The following CNTN1 variants were observed in gnomAD, a reference collection of about 807,000 sequenced individuals.
CNTN1 encodes the protein contactin 1.
CNTN1 carries 38 observed loss-of-function variants against 126.4 expected under a neutral mutation model. The observed-to-expected ratio is 0.30, with a 90% confidence interval of 0.23 to 0.39. The LOEUF (loss-of-function observed/expected upper bound fraction) is 0.39, where lower values mean the gene tolerates loss of function less well. CNTN1 is among the 10% of genes least tolerant of loss of function. The probability of loss-of-function intolerance (pLI) is 1.00; values close to 1 mark genes in which losing one functional copy is unlikely to be tolerated. For missense variants in CNTN1, 1,009 were observed against 1,248.4 expected, an observed-to-expected ratio of 0.81 and a Z score of 2.89; for synonymous variants, 413 against 422.6, an observed-to-expected ratio of 0.98 and a Z score of 0.28.
chr12:41,043,370 C>T (rs1342180102), intron 23 of CNTN1, among the ~76,000 whole-genome samples: 1 of 152,094 alleles, frequency 6.6e-6, no homozygotes, highest in Non-Finnish European at 1.5e-5. Context: ...CAAAAGAAGA[C>T]ATTTATGCAG....
chr12:40,792,232 C>G (rs1286822739), intron 1 of CNTN1, among the ~76,000 whole-genome samples: 2 of 152,056 alleles, frequency 1.3e-5, no homozygotes, highest in Non-Finnish European at 2.9e-5. Flanking sequence ...GCACCCAAAT[C>G]TCAGCTCCTC....
intron 1 of CNTN1, among the ~76,000 whole-genome samples, chr12:40,724,617 GCA>G (rs1450028434): frequency 5.3e-5 from 8 of 152,166 alleles, no homozygotes; most frequent in African/African-American, 1.7e-4. Context: ...TATTGAAAAT[GCA>G]CAGACTGTCC....
intron 1 of CNTN1, among the ~76,000 whole-genome samples, chr12:40,801,762 G>C (rs1435773982): frequency 2.6e-5 from 4 of 151,764 alleles, no homozygotes; most frequent in African/African-American, 9.7e-5. Flanking sequence ...ATCGTAGTGG[G>C]AAAACACATT....
At chr12:40,773,498 A>G (rs544149340) in intron 1 of CNTN1, among the ~76,000 whole-genome samples, 3 of 151,356 alleles carry the variant, frequency 2.0e-5, no homozygotes, top group African/African-American at 7.3e-5. Context: ...TGACTTTCAT[A>G]TGTTAAATCT....
chr12:41,005,451 A>AT (rs147961747), intron 17 of CNTN1, among the ~76,000 whole-genome samples: 9,909 of 151,910 alleles, frequency 0.065, 523 homozygotes, highest in Admixed American at 0.16. Flanking sequence ...GGTTCTCTGC[A>AT]TTTTCTGAGT....
intron 1 of CNTN1, among the ~76,000 whole-genome samples, chr12:40,726,349 T>C (rs529572643): frequency 1.4e-4 from 22 of 152,180 alleles, no homozygotes; most frequent in Non-Finnish European, 1.6e-4. Context: ...CACTGGGTAA[T>C]TTATAAAGGA....
At chr12:40,694,926 C>G (rs1301692514) in intron 1 of CNTN1, among the ~76,000 whole-genome samples, 5 of 152,166 alleles carry the variant, frequency 3.3e-5, no homozygotes, top group African/African-American at 1.2e-4. Flanking sequence ...CATTAATAAA[C>G]AGGGCTACTG....
In CNTN1 at chr12:40,846,857, A is replaced by AT. The variant is rs76529589; in HGVS notation, c.-76-61491dup. ...CAGAAACATGCTACCATGCCCAGTT[A>AT]TTTTTTTTTATTATTTTTATTTTTT... is the stretch of plus-strand genomic sequence containing the variant. On this transcript the variant is annotated intron_variant, in intron 1 of 23. Coordinates refer to ENST00000551295, the MANE Select transcript of CNTN1 (RefSeq NM_001843.4). Among the ~76,000 whole-genome samples, 814 of 149,530 alleles carry AT rather than the reference A, an allele frequency of 5.4e-3. 5 individuals carry two copies. Among genetic ancestry groups the AT allele is most frequent in the African/African-American group, 0.018 (739 of 40,394 alleles).
chr12:40,888,754 A>G (rs1423793798), intron 1 of CNTN1, among the ~76,000 whole-genome samples: 3 of 152,234 alleles, frequency 2.0e-5, no homozygotes, highest in Non-Finnish European at 4.4e-5. Context: ...TAGAGAGACT[A>G]CGGGCCCATT....
chr12:41,067,832 C>T (rs1950079449), intron 23 of CNTN1, among the ~76,000 whole-genome samples: 1 of 151,316 alleles, frequency 6.6e-6, no homozygotes, highest in Admixed American at 6.6e-5. Context: ...AAAGGTTTTA[C>T]TGTGTGATTG....
At chr12:40,750,317 A>G (rs1938356654) in intron 1 of CNTN1, among the ~76,000 whole-genome samples, 1 of 152,066 alleles carries the variant, frequency 6.6e-6, no homozygotes, top group Admixed American at 6.6e-5. Flanking sequence ...ATTGCCTCTA[A>G]GTAGATATAA....
rs1945981723 is a variant in CNTN1 at position 40,933,768 on chromosome 12, G to A, written c.875G>A (p.Gly292Glu). 1 of 1,612,726 alleles carries A rather than the reference G, an allele frequency of 6.2e-7. No individual in the cohort carries two copies. Among genetic ancestry groups the A allele is most frequent in the Middle Eastern group, 1.7e-4 (1 of 6,056 alleles). ...AGCACTGCTGAGATTAGCACCTCTG[G>A]GGCTGTTCTTAAGATCTTCAATATT... ...MPSTAEISTS[G>E]AVLKIFNIQL... Residue 292 changes from glycine (G) to glutamate (E), a missense_variant, in exon 9 of 24, where the codon GGG (glycine) becomes GAG (glutamate). Coordinates refer to ENST00000551295, the MANE Select transcript of CNTN1 (RefSeq NM_001843.4).
chr12:40,905,136 C>T (rs1944762364), intron 1 of CNTN1, among the ~76,000 whole-genome samples: 1 of 152,178 alleles, frequency 6.6e-6, no homozygotes, highest in African/African-American at 2.4e-5. Context: ...TGCATTTTGG[C>T]ACATGTTCCC....
chr12:40,697,662 T>C (rs1405587012), intron 1 of CNTN1, among the ~76,000 whole-genome samples: 2 of 152,242 alleles, frequency 1.3e-5, no homozygotes, highest in African/African-American at 2.4e-5. Context: ...GTGCTATTGC[T>C]GAACTTCTTT....
At chr12:40,865,839 T>G (rs1943276692) in intron 1 of CNTN1, among the ~76,000 whole-genome samples, 1 of 152,062 alleles carries the variant, frequency 6.6e-6, no homozygotes, top group Non-Finnish European at 1.5e-5. Flanking sequence ...AAGATTGGCT[T>G]GTCAAAATTT....
chr12:40,795,299 ACACACACACACACACACACAT>A (rs1206551661), intron 1 of CNTN1, among the ~76,000 whole-genome samples: 40,993 of 113,418 alleles, frequency 0.36, 6,047 homozygotes, highest in East Asian at 0.51. Flanking sequence ...ACACACACAC[ACACACACACACACACACACAT>A]TTTTTTTTTT....
intron 1 of CNTN1, among the ~76,000 whole-genome samples, chr12:40,760,072 T>C (rs1938795441): frequency 6.6e-6 from 1 of 152,076 alleles, no homozygotes; most frequent in South Asian, 2.1e-4. Context: ...CTCCTCCAAG[T>C]TCTGATTGCC....
chr12:40,933,975 TA>T lies in CNTN1; in HGVS notation c.985+102del, dbSNP rs1424133206. The T allele has an allele frequency of 1.3e-5, 12 of 927,612 alleles. No homozygotes were observed. In the Admixed American group the frequency reaches 2.3e-4, roughly 18 times the overall value. The allele number at this position is 927,612 out of a possible 1,614,324, so 57.5% of individuals were successfully genotyped here. Reference sequence around the variant, plus strand: ...ACTACTATATAATGATTAATGGTTTTAAAAACAGTGATGCATGTTACATCAT... The same window carrying T: ...ACTACTATATAATGATTAATGGTTTTAAAACAGTGATGCATGTTACATCAT... On this transcript the variant is annotated intron_variant, in intron 9 of 23. Transcript: ENST00000551295.
intron 6 of CNTN1, among the ~76,000 whole-genome samples, 163 bp downstream of exon 6, chr12:40,924,815 A>G (rs1261180194): frequency 1.4e-5 from 2 of 146,988 alleles, no homozygotes; most frequent in African/African-American, 5.0e-5. Context: ...TGTTGTGGAC[A>G]CTTTCTTTCT....
Sources: gnomAD v4.1 joint callset for allele counts (sites outside exome capture counted in the v4.1 genomes callset) on GRCh38, gnomAD v4.1.1 for gene constraint, MANE v1.5 for transcripts, NCBI Gene and HGNC (gene_info 2026-07-23, HGNC 2026-07-21) for gene names.